PTPN4: variants seen among roughly 807,000 people sequenced by gnomAD.
The protein encoded by PTPN4 is protein tyrosine phosphatase non-receptor type 4.
PTPN4 carries 49 observed loss-of-function variants against 135.5 expected under a neutral mutation model. That is an observed-to-expected ratio of 0.36 (90% confidence interval 0.29 to 0.46). PTPN4 has a LOEUF of 0.46. Ranked by LOEUF, PTPN4 falls within the 20% of genes least tolerant of loss-of-function variation. The probability of loss-of-function intolerance (pLI) is 1.00; values close to 1 mark genes in which losing one functional copy is unlikely to be tolerated. For synonymous variants in PTPN4, 333 were observed against 369.9 expected, an observed-to-expected ratio of 0.90 and a Z score of 1.14; for missense variants, 860 against 1,101.0, an observed-to-expected ratio of 0.78 and a Z score of 3.10.
chr2:119,918,142 ATAAT>A (rs902443826), intron 11 of PTPN4, among the ~76,000 whole-genome samples: 4 of 152,370 alleles, frequency 2.6e-5, no homozygotes, highest in Admixed American at 6.5e-5. Context: ...ACTATTAACC[ATAAT>A]TAAGACAATT....
chr2:119,847,275 T>TACACACACACAC (rs775485671), intron 2 of PTPN4, among the ~76,000 whole-genome samples: 15 of 107,526 alleles, frequency 1.4e-4, no homozygotes, highest in Non-Finnish European at 2.1e-4. Context: ...ATACTCTATA[T>TACACACACACAC]ACACACACAC....
At chr2:119,922,874 C>T (rs1193109059) in intron 12 of PTPN4, among the ~76,000 whole-genome samples, 1 of 152,136 alleles carries the variant, frequency 6.6e-6, no homozygotes, top group East Asian at 1.9e-4. Context: ...GTCTTTCTTC[C>T]TGAGCAAGAT....
chr2:119,849,209 A>G (rs950565228), intron 2 of PTPN4, among the ~76,000 whole-genome samples: 28 of 152,140 alleles, frequency 1.8e-4, no homozygotes, highest in African/African-American at 6.5e-4. Context: ...TCTCACGAGC[A>G]GTTCCTGTTA....
In PTPN4 at chr2:119,876,087, T is replaced by A. The variant is rs76458238; in HGVS notation, c.247-1236T>A. Among the ~76,000 whole-genome samples the A allele has an allele frequency of 3.0e-3, 463 of 152,232 alleles. 2 individuals carry two copies. Among genetic ancestry groups the A allele is most frequent in the African/African-American group, 0.011 (438 of 41,534 alleles). On this transcript the variant is annotated intron_variant, in intron 3 of 26. Transcript: ENST00000263708. ...TGAAATTGAGGGCCTTATGATGGCA[T>A]CTTTCAGAAACAGAAAGGAGGCCAT...
chr2:119,824,621 A>G (rs1677120750), intron 2 of PTPN4, among the ~76,000 whole-genome samples: 1 of 152,128 alleles, frequency 6.6e-6, no homozygotes, highest in Non-Finnish European at 1.5e-5. Flanking sequence ...GTTGTTAGAT[A>G]CCCATTTGGG....
intron 1 of PTPN4, among the ~76,000 whole-genome samples, chr2:119,774,281 T>C (rs1690789801): frequency 6.6e-6 from 1 of 152,224 alleles, no homozygotes; most frequent in Admixed American, 6.5e-5. Context: ...AAAAGTTGAA[T>C]GGCTTGATAT....
chr2:119,878,476 A>AT (rs1377418237), intron 5 of PTPN4, among the ~76,000 whole-genome samples: 2 of 152,300 alleles, frequency 1.3e-5, no homozygotes, highest in East Asian at 3.9e-4. Flanking sequence ...AAAATTACCT[A>AT]TAGATGGGAT....
intron 10 of PTPN4, among the ~76,000 whole-genome samples, chr2:119,914,650 T>C (rs1465989713): frequency 6.6e-6 from 1 of 152,174 alleles, no homozygotes; most frequent in Non-Finnish European, 1.5e-5. Context: ...TCTTAAAGTT[T>C]ACAAAGACTG....
At chr2:119,789,394 G>A (rs554437228) in intron 1 of PTPN4, among the ~76,000 whole-genome samples, 2 of 152,188 alleles carry the variant, frequency 1.3e-5, no homozygotes, top group East Asian at 3.9e-4. Flanking sequence ...TTTCTTGATG[G>A]TGTCCTTTGA....
At chr2:119,862,746 T>G in intron 3 of PTPN4, 103 bp downstream of exon 3, 1 of 870,886 alleles carries the variant, frequency 1.1e-6, no homozygotes. Flanking sequence ...GATGAGTTTT[T>G]TTTTTACTTG....
At chr2:119,764,700 AAAAATT>A (rs1417785746) in intron 1 of PTPN4, among the ~76,000 whole-genome samples, 1 of 152,136 alleles carries the variant, frequency 6.6e-6, no homozygotes, top group Non-Finnish European at 1.5e-5. Context: ...CTTAGGTTAA[AAAAATT>A]AAAATAGGAA....
chr2:119,775,013 A>AC (rs529279880), intron 1 of PTPN4, among the ~76,000 whole-genome samples: 1 of 147,648 alleles, frequency 6.8e-6, no homozygotes, highest in East Asian at 2.0e-4. Flanking sequence ...CGAGACTGCT[A>AC]AAAAAAAAAT....
chr2:119,809,535 C>T (rs1691539918), intron 1 of PTPN4, among the ~76,000 whole-genome samples: 1 of 151,890 alleles, frequency 6.6e-6, no homozygotes, highest in African/African-American at 2.4e-5. Context: ...CTTCCCGCCC[C>T]TTTTGGCTAC....
intron 2 of PTPN4, among the ~76,000 whole-genome samples, chr2:119,816,458 A>G (rs1676988694): frequency 6.6e-6 from 1 of 152,186 alleles, no homozygotes; most frequent in Non-Finnish European, 1.5e-5. Flanking sequence ...TTTTGGCACC[A>G]GGAACCGGTT....
intron 26 of PTPN4, 27 bp from the exon 27 acceptor site, chr2:119,976,957 T>C: frequency 6.3e-7 from 1 of 1,595,686 alleles, no homozygotes; most frequent in Middle Eastern, 2.1e-4. Context: ...TTCTGATCAG[T>C]TCTGTTTTTT....
At chr2:119,926,484 T>A in intron 12 of PTPN4, 114 bp from the exon 13 acceptor site, 1 of 624,454 alleles carries the variant, frequency 1.6e-6, no homozygotes, top group Non-Finnish European at 2.6e-6. Flanking sequence ...CTTCCTTTTC[T>A]CTGCTAGAAA....
At chr2:119,860,986 A>C (rs1293866106) in intron 2 of PTPN4, among the ~76,000 whole-genome samples, 2 of 151,656 alleles carry the variant, frequency 1.3e-5, no homozygotes, top group Non-Finnish European at 2.9e-5. Flanking sequence ...GGTTGCAGTG[A>C]GCCAAGATCA....
chr2:119,872,212 T>G (rs756388698), intron 3 of PTPN4, among the ~76,000 whole-genome samples: 1 of 152,186 alleles, frequency 6.6e-6, no homozygotes, highest in Non-Finnish European at 1.5e-5. Context: ...TTCTACTGTT[T>G]TACTAAACCC....
At chr2:119,939,886 C>A (rs34779810) in intron 15 of PTPN4, among the ~76,000 whole-genome samples, 2 of 152,040 alleles carry the variant, frequency 1.3e-5, no homozygotes, top group Non-Finnish European at 2.9e-5. Context: ...GTAAAAAAAT[C>A]GAAGGTTTGA....
Sources: gnomAD v4.1 joint callset for allele counts (sites outside exome capture counted in the v4.1 genomes callset) on GRCh38, gnomAD v4.1.1 for gene constraint, MANE v1.5 for transcripts, NCBI Gene and HGNC (gene_info 2026-07-23, HGNC 2026-07-21) for gene names.